The following CC2D2B variants were observed in gnomAD, a reference collection of about 807,000 sequenced individuals.
CC2D2B encodes the protein coiled-coil and C2 domain containing 2B.
A neutral mutation model predicts 161.2 loss-of-function variants in CC2D2B; 128 were observed. The observed-to-expected ratio is 0.79, with a 90% CI of 0.69 to 0.92. CC2D2B has a LOEUF of 0.92. CC2D2B is among the 40% of genes least tolerant of loss of function. The probability of loss-of-function intolerance (pLI) is 0.00; values close to 1 mark genes in which losing one functional copy is unlikely to be tolerated. For missense variants in CC2D2B, 1,173 were observed against 1,375.1 expected (o/e 0.85, Z 2.32); for synonymous variants, 391 against 449.8 (o/e 0.87, Z 1.65).
chr10:95,930,303 G>A lies in CC2D2B; in HGVS notation c.336+2971G>A, dbSNP rs565218751. ...GCTTAAGGAGGTTTTGGGCTGAGACGATGGGGTTTTCTAAATATGCAATCA... is the reference window on the plus strand; with the variant it reads ...GCTTAAGGAGGTTTTGGGCTGAGACAATGGGGTTTTCTAAATATGCAATCA... On this transcript the variant is annotated intron_variant, in intron 6 of 34. Coordinates refer to ENST00000646931, the MANE Select transcript of CC2D2B (RefSeq NM_001349008.3). Among the ~76,000 whole-genome samples the A allele has an allele frequency of 5.4e-4, 82 of 152,268 alleles. 1 individual carries two copies. Among genetic ancestry groups the A allele is most frequent in the African/African-American group, 1.8e-3 (76 of 41,552 alleles).
At chr10:95,937,920 A>G in intron 6 of CC2D2B, 71 bp from the exon 7 acceptor site, 1 of 912,406 alleles carries the variant, frequency 1.1e-6, no homozygotes, top group African/African-American at 1.7e-5. Context: ...GTTCCAGTAC[A>G]TTTCATTTAT....
rs1306204624 is a variant in CC2D2B at position 95,964,871 on chromosome 10, C to CA, written c.1251-1023dup. 7.9e-5 allele frequency among the ~76,000 whole-genome samples: 12 copies of CA among 152,230 alleles called. No individual in the cohort carries two copies. In the South Asian group the frequency reaches 2.5e-3, roughly 32 times the overall value. The stretch of plus-strand genomic sequence containing the variant: ...TTTTTAATAAATTCCCAGAATTGTG[C>CA]AACAATCACCGCAATTTAATCTTAG... On this transcript the variant is annotated intron_variant, in intron 12 of 34. Transcript: ENST00000646931.
chr10:95,953,506 T>C lies in CC2D2B; in HGVS notation c.1012-1888T>C, dbSNP rs116606267. On this transcript the variant is annotated intron_variant, in intron 10 of 34. Transcript: ENST00000646931. ...CATGAGCCACTGAGCTTGGCAAGCATTTTACATTTTTACGACGTCAAATCT... is the reference window on the plus strand; with the variant it reads ...CATGAGCCACTGAGCTTGGCAAGCACTTTACATTTTTACGACGTCAAATCT... Among the ~76,000 whole-genome samples, 738 of 152,292 alleles carry C rather than the reference T, an allele frequency of 4.8e-3. 6 individuals carry two copies. The highest frequency in any genetic ancestry group is 0.017 in the African/African-American group (712 of 41,572).
At chr10:95,950,881 G>A (rs906827108) in intron 10 of CC2D2B, among the ~76,000 whole-genome samples, 5 of 151,908 alleles carry the variant, frequency 3.3e-5, no homozygotes, top group Admixed American at 2.0e-4. Flanking sequence ...GTGCAGTGGC[G>A]TGATCTTGGC....
rs116888913 is a variant in CC2D2B, at chr10:95,992,675, A to T, written c.2620A>T (p.Thr874Ser). 13,550 of 1,234,192 alleles carry T rather than the reference A, an allele frequency of 0.011. 86 individuals are homozygous for T. Among genetic ancestry groups the T allele is most frequent in the Non-Finnish European group, 0.012 (12,214 of 988,010 alleles). 76.5% of individuals were successfully genotyped at this position (1,234,192 alleles called of 1,614,324 possible). A position where few individuals can be genotyped will look rare whatever the true frequency, so the allele number is the denominator to read the frequency against. The change falls in exon 22 of 35, where the codon ACC (threonine) becomes TCC (serine). Residue 874 changes from threonine (T) to serine (S), a missense_variant. Physicochemically the swap from Thr to Ser is moderately conservative, Grantham distance 58. Coordinates refer to ENST00000646931, the MANE Select transcript of CC2D2B (RefSeq NM_001349008.3). ...VRIVRAYNIP[T>S]RKTTINGSLD... ...AATAGTGAGGGCCTATAATATTCCT[A>T]CCAGAAAAACAACAATTAATGGGTA... is the stretch of plus-strand genomic sequence containing the variant.
At chr10:96,006,308 TTA>T (rs957675517) in intron 25 of CC2D2B, among the ~76,000 whole-genome samples, 4 of 148,854 alleles carry the variant, frequency 2.7e-5, no homozygotes, top group African/African-American at 9.8e-5. Flanking sequence ...ATTTAGTGAC[TTA>T]TTTTTTATTT....
intron 22 of CC2D2B, among the ~76,000 whole-genome samples, 161 bp from the exon 23 acceptor site, chr10:95,995,108 A>T (rs947861706): frequency 6.6e-6 from 1 of 152,212 alleles, no homozygotes; most frequent in African/African-American, 2.4e-5. Flanking sequence ...TCAAATGTTT[A>T]GCTGTAACCA....
intron 24 of CC2D2B, among the ~76,000 whole-genome samples, chr10:95,998,655 GA>G (rs2078331337): frequency 6.6e-6 from 1 of 152,150 alleles, no homozygotes; most frequent in Non-Finnish European, 1.5e-5. Flanking sequence ...ACTTGGGAAA[GA>G]GTTGCAGTTT....
At chr10:95,911,459 A>G in intron 2 of CC2D2B, 100 bp downstream of exon 2, 1 of 202,946 alleles carries the variant, frequency 4.9e-6, no homozygotes, top group East Asian at 1.3e-4. Flanking sequence ...GTTTCTATAT[A>G]CAAATCATAA....
intron 25 of CC2D2B, among the ~76,000 whole-genome samples, chr10:96,008,606 G>T (rs1011474644): frequency 1.3e-5 from 2 of 151,980 alleles, no homozygotes; most frequent in Non-Finnish European, 2.9e-5. Context: ...GTTGTGTGGT[G>T]GTTTCTCATT....
At chr10:96,017,946 C>CA (rs2079278471) in intron 30 of CC2D2B, among the ~76,000 whole-genome samples, 1 of 152,068 alleles carries the variant, frequency 6.6e-6, no homozygotes, top group Admixed American at 6.5e-5. Flanking sequence ...CACACACAGA[C>CA]AAAAAACCCA....
At chr10:96,025,363 CAAAAAAAAAAA>C (rs35860002) in intron 33 of CC2D2B, among the ~76,000 whole-genome samples, 1 of 52,504 alleles carries the variant, frequency 1.9e-5, no homozygotes, top group Non-Finnish European at 3.7e-5. Context: ...TGAGGCCTTG[CAAAAAAAAAAA>C]AAAAAAAAAA....
At chr10:95,940,985 A>G (rs2076001925) in intron 9 of CC2D2B, among the ~76,000 whole-genome samples, 1 of 152,202 alleles carries the variant, frequency 6.6e-6, no homozygotes, top group East Asian at 1.9e-4. Flanking sequence ...GTACTGGCAT[A>G]AAGACAGATA....
At chr10:95,992,019 A>G (rs1377298190) in intron 21 of CC2D2B, among the ~76,000 whole-genome samples, 3 of 152,168 alleles carry the variant, frequency 2.0e-5, no homozygotes, top group African/African-American at 7.2e-5. Context: ...ATGATCAGTA[A>G]GGTTTTCAAC....
intron 1 of CC2D2B, among the ~76,000 whole-genome samples, chr10:95,910,211 C>G (rs2098503578): frequency 6.6e-6 from 1 of 152,200 alleles, no homozygotes; most frequent in Non-Finnish European, 1.5e-5. Context: ...CTACAAATGT[C>G]TGGGGAATTG....
intron 25 of CC2D2B, among the ~76,000 whole-genome samples, chr10:96,006,546 A>C (rs763182079): frequency 1.2e-4 from 18 of 152,060 alleles, no homozygotes; most frequent in Non-Finnish European, 2.1e-4. Context: ...TCCATGGTTC[A>C]TTTAGTCAAG....
chr10:95,944,292 G>A (rs1189146428), intron 9 of CC2D2B, among the ~76,000 whole-genome samples: 1 of 152,008 alleles, frequency 6.6e-6, no homozygotes, highest in African/African-American at 2.4e-5. Flanking sequence ...ATTCATAGTG[G>A]AACACAGTTG....
chr10:95,991,296 A>G (rs2077947260), intron 20 of CC2D2B, 74 bp from the exon 21 acceptor site: 1 of 420,004 alleles, frequency 2.4e-6, no homozygotes, highest in Non-Finnish European at 3.9e-6. Context: ...ATATACTGGC[A>G]CCGGTAGCAT....
chr10:95,916,829 T>C (rs374589878), intron 2 of CC2D2B, among the ~76,000 whole-genome samples: 1 of 152,232 alleles, frequency 6.6e-6, no homozygotes, highest in African/African-American at 2.4e-5. Context: ...TTCTTGAGCA[T>C]GATCCATGTG....
Sources: allele counts gnomAD v4.1 joint callset (sites outside exome capture counted in the v4.1 genomes callset), GRCh38; gene constraint gnomAD v4.1.1; transcripts MANE v1.5; gene names NCBI Gene and HGNC (gene_info 2026-07-23, HGNC 2026-07-21).